ZNF518A: variants seen among roughly 807,000 people sequenced by gnomAD.
ZNF518A encodes zinc finger protein 518A.
A neutral mutation model predicts 102.7 loss-of-function variants in ZNF518A; 47 were observed. The observed-to-expected ratio is 0.46, with a 90% CI of 0.36 to 0.58. The LOEUF (loss-of-function observed/expected upper bound fraction) is 0.58, where lower values mean the gene tolerates loss of function less well. Among genes scored for constraint, ZNF518A ranks in the 20% least tolerant of loss-of-function variants. The probability of loss-of-function intolerance (pLI) is 0.00; values close to 1 mark genes in which losing one functional copy is unlikely to be tolerated. For missense variants in ZNF518A, 1,793 were observed against 1,699.8 expected, an observed-to-expected ratio of 1.05 and a Z score of -0.96; for synonymous variants, 652 against 594.6, an observed-to-expected ratio of 1.10 and a Z score of -1.40.
At chr10:96,193,016 C>T (rs2083367789) in intron 1 of ZNF518A, among the ~76,000 whole-genome samples, 1 of 152,112 alleles carries the variant, frequency 6.6e-6, no homozygotes, top group Non-Finnish European at 1.5e-5. Context: ...GGATGACTTC[C>T]AAGTAGCTAC....
Position 96,162,071 on chromosome 10 carries a change from A to AT in ZNF518A, c.*1303dup, listed in dbSNP as rs1554888367. 3.6e-5 allele frequency: 6 copies of AT among 166,894 alleles called. No individual in the cohort carries two copies. Among genetic ancestry groups the AT allele is most frequent in the South Asian group, 2.1e-4 (1 of 4,830 alleles). The allele number at this position is 166,894 out of a possible 1,614,324, so 10.3% of individuals were successfully genotyped here. A position where few individuals can be genotyped will look rare whatever the true frequency, so the allele number is the denominator to read the frequency against. ...GTGTTAACAAATTACGTGCTATATG[A>AT]TTTTTTGTTACATTGTTACAAGTGT... is the stretch of plus-strand genomic sequence containing the variant. On this transcript the variant is annotated 3_prime_UTR_variant, in exon 6 of 6. Coordinates refer to ENST00000316045, the MANE Select transcript of ZNF518A (RefSeq NM_001330736.2).
At chr10:96,176,488 C>T (rs1554891496) in intron 1 of ZNF518A, among the ~76,000 whole-genome samples, 2 of 152,186 alleles carry the variant, frequency 1.3e-5, no homozygotes, top group African/African-American at 4.8e-5. Context: ...ATCATAATCA[C>T]ATTTCTGGCT....
Position 96,162,216 on chromosome 10 carries a change from G to T in ZNF518A, c.*1442G>T, listed in dbSNP as rs1310810558. On this transcript the variant is annotated 3_prime_UTR_variant, in exon 6 of 6. Coordinates refer to ENST00000316045, the MANE Select transcript of ZNF518A (RefSeq NM_001330736.2). ...TTTTGCACAGAAATTTTTGGCATAA[G>T]TTTATTTTCTTTCAGTTTAGTTCAG... is the stretch of plus-strand genomic sequence containing the variant. 1 of 166,816 alleles carries T rather than the reference G, an allele frequency of 6.0e-6. No individual in the cohort carries two copies. The highest frequency in any genetic ancestry group is 2.4e-5 in the African/African-American group (1 of 41,426). The allele number at this position is 166,816 out of a possible 1,614,324, so 10.3% of individuals were successfully genotyped here. A position where few individuals can be genotyped will look rare whatever the true frequency, so the allele number is the denominator to read the frequency against.
rs2082764814 is a variant in ZNF518A, at chr10:96,157,725, G to A, written c.1403G>A (p.Cys468Tyr). Residue 468 changes from cysteine to tyrosine, a missense_variant, in exon 6 of 6, where the codon TGT (cysteine) becomes TAT (tyrosine). Coordinates refer to ENST00000316045, the MANE Select transcript of ZNF518A (RefSeq NM_001330736.2). ...LKLVPIKQNV[C>Y]SPGSQSGAAK... ...TTGGTGCCTATCAAACAAAATGTAT[G>A]TTCACCAGGCTCACAGTCAGGTGCT... 6.2e-7 allele frequency: 1 copy of A among 1,613,776 alleles called. No individual in the cohort carries two copies. The highest frequency in any genetic ancestry group is 8.5e-7 in the Non-Finnish European group (1 of 1,179,806).
At chr10:96,168,080 G>GTC (rs760651796), downstream of ZNF518A, among the ~76,000 whole-genome samples, 110 of 152,184 alleles carry the variant, frequency 7.2e-4, no homozygotes, top group Non-Finnish European at 1.1e-3. Context: ...TAATTACGCA[G>GTC]TTTTAAAAAT....
At chr10:96,141,580 T>C (rs2133304059) in intron 3 of ZNF518A, among the ~76,000 whole-genome samples, 1 of 152,366 alleles carries the variant, frequency 6.6e-6, no homozygotes, top group South Asian at 2.1e-4. Context: ...TTTTAATTTT[T>C]AATTTTAAAC....
chr10:96,137,264 A>G, intron 3 of ZNF518A, among the ~76,000 whole-genome samples: 1 of 152,222 alleles, frequency 6.6e-6, no homozygotes, highest in Non-Finnish European at 1.5e-5. Context: ...TTTATCATCA[A>G]TTTTTTTATT....
rs782515286 is a variant in ZNF518A, at chr10:96,191,958, CT to C, written n.36-11608del. On this transcript the variant is annotated intron_variant and non_coding_transcript_variant, in intron 1 of 2. Transcript: ENST00000442635. ...AAGTGTCTGAAGCAATGGTATTGAT[CT>C]TTTTTTTCCCCCTTTATGAAACTTT... 1.4e-4 allele frequency: 227 copies of C among 1,612,668 alleles called. 1 individual carries two copies. In the Middle Eastern group the frequency reaches 1.5e-3, roughly 11 times the overall value.
rs587598121 is a variant in ZNF518A, at chr10:96,160,914, G to A, written c.*140G>A. Reference sequence around the variant, plus strand: ...TTTAAAAGTTGATTGTATTTCTGTGGAAGAGTAAAAGTTGTATGTATGATA... The same window carrying A: ...TTTAAAAGTTGATTGTATTTCTGTGAAAGAGTAAAAGTTGTATGTATGATA... On this transcript the variant is annotated 3_prime_UTR_variant, in exon 6 of 6. Coordinates refer to ENST00000316045, the MANE Select transcript of ZNF518A (RefSeq NM_001330736.2). 4.3e-4 allele frequency: 415 copies of A among 957,728 alleles called. 4 individuals carry two copies. The South Asian group carries it at 8.7e-3, about 20-fold the overall frequency. The allele number at this position is 957,728 out of a possible 1,614,324, so 59.3% of individuals were successfully genotyped here.
At chr10:96,179,992 A>G (rs1453596015) in intron 1 of ZNF518A, among the ~76,000 whole-genome samples, 2 of 148,188 alleles carry the variant, frequency 1.3e-5, no homozygotes, top group African/African-American at 5.0e-5. Context: ...GATTCTCCTT[A>G]TTTGGCCTCC....
chr10:96,139,375 T>A (rs1267497312), intron 3 of ZNF518A, among the ~76,000 whole-genome samples: 1 of 152,136 alleles, frequency 6.6e-6, no homozygotes. Flanking sequence ...GGGGCCTTTT[T>A]AAGAGGTGAT....
At chr10:96,173,709 A>G (rs2083186769) in intron 1 of ZNF518A, among the ~76,000 whole-genome samples, 1 of 152,192 alleles carries the variant, frequency 6.6e-6, no homozygotes, top group African/African-American at 2.4e-5. Flanking sequence ...ACTTTGCATA[A>G]ATGAATAAAA....
rs1214850737 is a variant in ZNF518A at position 96,156,326 on chromosome 10, C to T, written c.4C>T (p.Pro2Ser). The T allele has an allele frequency of 1.0e-5, 16 of 1,554,152 alleles. No homozygotes were observed. The highest frequency in any genetic ancestry group is 1.3e-5 in the Non-Finnish European group (15 of 1,157,224). M[P>S]SEQKQLFCDE... is the part of the protein sequence containing the mutation. ...TTGGGACTTTTTTGGTTAAATCATG[C>T]CATCTGAACAGAAACAGTTATTTTG... Residue 2 changes from proline (P) to serine (S), a missense_variant, in exon 6 of 6, where the codon CCA (proline) becomes TCA (serine). Pro to Ser is a moderately conservative substitution (Grantham distance 74). Transcript: ENST00000316045.
chr10:96,199,409 T>C (rs782355594), intron 1 of ZNF518A: 14 of 378,710 alleles, frequency 3.7e-5, no homozygotes, highest in Non-Finnish European at 7.0e-5. Context: ...ATCCTGCACA[T>C]TGATCCAAAA....
chr10:96,201,077 G>A (rs1554896029), intron 1 of ZNF518A: 1 of 1,601,964 alleles, frequency 6.2e-7, no homozygotes, highest in Non-Finnish European at 8.6e-7. Context: ...GATCAGAAAA[G>A]TCCTTCAATT....
At chr10:96,190,809 C>A (rs2083315771) in intron 1 of ZNF518A, among the ~76,000 whole-genome samples, 1 of 152,184 alleles carries the variant, frequency 6.6e-6, no homozygotes, top group African/African-American at 2.4e-5. Flanking sequence ...GACCTTGGAC[C>A]TGATTCTCCA....
intron 1 of ZNF518A, among the ~76,000 whole-genome samples, chr10:96,183,464 T>C (rs1293045234): frequency 2.6e-5 from 4 of 152,242 alleles, no homozygotes; most frequent in African/African-American, 9.6e-5. Context: ...GCTATAAATT[T>C]CCCTCTACGC....
At chr10:96,185,817 G>T (rs587660024) in intron 1 of ZNF518A, among the ~76,000 whole-genome samples, 88 of 152,310 alleles carry the variant, frequency 5.8e-4, no homozygotes, top group African/African-American at 2.1e-3. Context: ...GCTATGCCCT[G>T]CCCCCAGGGG....
At chr10:96,142,106 G>A (rs2081957146) in intron 3 of ZNF518A, among the ~76,000 whole-genome samples, 1 of 152,012 alleles carries the variant, frequency 6.6e-6, no homozygotes, top group African/African-American at 2.4e-5. Context: ...AGCTGGCTTT[G>A]GTTACATATG....
Sources: allele counts gnomAD v4.1 joint callset (sites outside exome capture counted in the v4.1 genomes callset), GRCh38; gene constraint gnomAD v4.1.1; transcripts MANE v1.5; gene names NCBI Gene and HGNC (gene_info 2026-07-23, HGNC 2026-07-21).